Variants in PDE4B observed in about 807,000 individuals in gnomAD.
PDE4B encodes the protein phosphodiesterase 4B, also known as 3',5'-cyclic-AMP phosphodiesterase 4B.
PDE4B carries 20 observed loss-of-function variants against 82.2 expected under a neutral mutation model. The observed-to-expected ratio is 0.24, with a 90% confidence interval of 0.17 to 0.35. PDE4B has a LOEUF of 0.35. Ranked by LOEUF, PDE4B falls within the 10% of genes least tolerant of loss-of-function variation. The pLI is 1.00. For missense variants in PDE4B, 655 were observed against 907.2 expected, an observed-to-expected ratio of 0.72 and a Z score of 3.57; for synonymous variants, 320 against 318.9, an observed-to-expected ratio of 1.00 and a Z score of -0.04.
At chr1:66,150,601 C>T (rs543444389) in intron 3 of PDE4B, among the ~76,000 whole-genome samples, 2 of 152,250 alleles carry the variant, frequency 1.3e-5, no homozygotes, top group African/African-American at 2.4e-5. Context: ...AGCAGACAGC[C>T]TCGTTTTGTC....
At chr1:65,895,607 T>C (rs978559869) in intron 1 of PDE4B, among the ~76,000 whole-genome samples, 2 of 149,022 alleles carry the variant, frequency 1.3e-5, no homozygotes, top group Non-Finnish European at 3.0e-5. Context: ...GGGGTCTACA[T>C]GAACATTGAC....
chr1:66,324,290 G>T (rs952905046), intron 7 of PDE4B, among the ~76,000 whole-genome samples: 1 of 151,996 alleles, frequency 6.6e-6, no homozygotes, highest in Non-Finnish European at 1.5e-5. Context: ...TAATTAAAAT[G>T]TCTCCTTCAT....
At chr1:66,221,118 T>A (rs1212363222) in intron 3 of PDE4B, among the ~76,000 whole-genome samples, 3 of 152,008 alleles carry the variant, frequency 2.0e-5, no homozygotes, top group Non-Finnish European at 2.9e-5. Context: ...GCCCTAGAAA[T>A]AGGCAAGAAC....
chr1:66,363,748 G>A (rs1028808748), intron 12 of PDE4B, among the ~76,000 whole-genome samples, 177 bp downstream of exon 12: 10 of 151,906 alleles, frequency 6.6e-5, no homozygotes, highest in African/African-American at 1.9e-4. Context: ...CTGGACTCCC[G>A]CTTGGGCAAC....
chr1:66,237,254 T>A (rs548922800), intron 3 of PDE4B, among the ~76,000 whole-genome samples: 19 of 152,304 alleles, frequency 1.2e-4, no homozygotes, highest in African/African-American at 4.1e-4. Flanking sequence ...AGGCCAGATG[T>A]TAACTGACAT....
chr1:66,373,719 G>C lies in PDE4B; in HGVS notation c.*1041G>C, dbSNP rs1318486114. The C allele has an allele frequency of 6.6e-6, 1 of 152,570 alleles. No homozygotes were observed. Among genetic ancestry groups the C allele is most frequent in the Non-Finnish European group, 1.5e-5 (1 of 68,044 alleles). 9.5% of individuals were successfully genotyped at this position (152,570 alleles called of 1,614,324 possible). ...ATATATCTAACATTGCCTGCCAATG[G>C]TGGTGTTAAATTTGTGTAGAAAACT... On this transcript the variant is annotated 3_prime_UTR_variant, in exon 17 of 17. Coordinates refer to ENST00000341517, the MANE Select transcript of PDE4B (RefSeq NM_002600.4).
At chr1:65,960,188 T>C (rs1649476405) in intron 3 of PDE4B, among the ~76,000 whole-genome samples, 3 of 152,174 alleles carry the variant, frequency 2.0e-5, no homozygotes, top group African/African-American at 7.2e-5. Context: ...AAGTTCCTTT[T>C]AGAGTTGTTG....
At chr1:65,875,088 T>G (rs1442504962) in intron 1 of PDE4B, among the ~76,000 whole-genome samples, 1 of 151,232 alleles carries the variant, frequency 6.6e-6, no homozygotes. Flanking sequence ...TACAATGAAC[T>G]CAAACAAATG....
At chr1:66,261,646 A>G (rs1295706664) in intron 6 of PDE4B, among the ~76,000 whole-genome samples, 8 of 152,210 alleles carry the variant, frequency 5.3e-5, no homozygotes, top group Admixed American at 3.9e-4. Flanking sequence ...TGCTGTGCAT[A>G]AAAGCAGTCC....
intron 1 of PDE4B, among the ~76,000 whole-genome samples, chr1:65,864,132 T>G (rs1361273990): frequency 6.6e-6 from 1 of 151,920 alleles, no homozygotes; most frequent in Non-Finnish European, 1.5e-5. Context: ...CTGATATTCT[T>G]CCTTCTGCTT....
intron 3 of PDE4B, among the ~76,000 whole-genome samples, chr1:65,928,949 A>G (rs1030069991): frequency 1.3e-5 from 2 of 152,196 alleles, no homozygotes; most frequent in African/African-American, 4.8e-5. Context: ...GGCCTGATCC[A>G]ACTCTGTATT....
chr1:66,143,318 T>G (rs1287038963), intron 3 of PDE4B, among the ~76,000 whole-genome samples: 1 of 152,186 alleles, frequency 6.6e-6, no homozygotes, highest in Non-Finnish European at 1.5e-5. Context: ...GTAGATAATG[T>G]TTAAGTGGAG....
intron 9 of PDE4B, among the ~76,000 whole-genome samples, chr1:66,357,866 T>C (rs1398706755): frequency 6.6e-6 from 1 of 152,194 alleles, no homozygotes; most frequent in Non-Finnish European, 1.5e-5. Flanking sequence ...ATAACTCTGA[T>C]ATGAACTGAG....
chr1:66,351,433 C>T (rs888012207), intron 8 of PDE4B, among the ~76,000 whole-genome samples: 4 of 152,126 alleles, frequency 2.6e-5, no homozygotes, highest in African/African-American at 9.7e-5. Context: ...ATTTTACCTT[C>T]GAGTCTGGAT....
At chr1:66,157,154 A>G (rs1446157586) in intron 3 of PDE4B, among the ~76,000 whole-genome samples, 1 of 152,210 alleles carries the variant, frequency 6.6e-6, no homozygotes, top group Non-Finnish European at 1.5e-5. Flanking sequence ...TCATGCACAG[A>G]TGCCGCCCTA....
Position 65,913,490 on chromosome 1 carries a change from C to T in PDE4B, c.42+134C>T, listed in dbSNP as rs373158402. 12 of 778,374 alleles carry T rather than the reference C, an allele frequency of 1.5e-5. No individual in the cohort carries two copies. The African/African-American group carries it at 2.1e-4, about 13-fold the overall frequency. 48.2% of individuals were successfully genotyped at this position (778,374 alleles called of 1,614,324 possible). A position where few individuals can be genotyped will look rare whatever the true frequency, so the allele number is the denominator to read the frequency against. ...GGTGTTTCTATGACATGGGCACAGC[C>T]AGCACCTGGACCTGACGTTCTGTGA... On this transcript the variant is annotated intron_variant, in intron 2 of 16. Coordinates refer to ENST00000341517, the MANE Select transcript of PDE4B (RefSeq NM_002600.4).
At chr1:65,873,554 C>T (rs994781803) in intron 1 of PDE4B, among the ~76,000 whole-genome samples, 1 of 152,114 alleles carries the variant, frequency 6.6e-6, no homozygotes, top group Non-Finnish European at 1.5e-5. Flanking sequence ...TTATGTTGTA[C>T]AATGCAGTTA....
chr1:65,870,725 A>G (rs1646563353), intron 1 of PDE4B, among the ~76,000 whole-genome samples: 1 of 152,166 alleles, frequency 6.6e-6, no homozygotes, highest in Non-Finnish European at 1.5e-5. Context: ...TAAGTAAATT[A>G]TCAGCAGTAC....
At chr1:66,183,227 T>C (rs1372958212) in intron 3 of PDE4B, among the ~76,000 whole-genome samples, 1 of 152,196 alleles carries the variant, frequency 6.6e-6, no homozygotes, top group Non-Finnish European at 1.5e-5. Context: ...TTACAGTGTT[T>C]TCCAGTAAAG....
Sources: allele counts gnomAD v4.1 joint callset (sites outside exome capture counted in the v4.1 genomes callset), GRCh38; gene constraint gnomAD v4.1.1; transcripts MANE v1.5; gene names NCBI Gene and HGNC (gene_info 2026-07-23, HGNC 2026-07-21).